Variants in RNF40 observed in about 807,000 individuals in gnomAD.
RNF40 encodes the protein ring finger protein 40.
RNF40 carries 39 observed loss-of-function variants against 123.3 expected under a neutral mutation model. The ratio of observed to expected loss-of-function variants is 0.32; its 90% confidence interval spans 0.24 to 0.41. RNF40 has a LOEUF of 0.41. RNF40 is among the 10% of genes least tolerant of loss of function. The pLI, the probability that RNF40 is intolerant of heterozygous loss-of-function variation, is 1.00. For synonymous variants in RNF40, 538 were observed against 526.0 expected, an observed-to-expected ratio of 1.02 and a Z score of -0.31; for missense variants, 1,003 against 1,319.9, an observed-to-expected ratio of 0.76 and a Z score of 3.72.
At chr16:30,770,734 C>T (rs563957458) in intron 17 of RNF40, among the ~76,000 whole-genome samples, 89 of 152,032 alleles carry the variant, frequency 5.9e-4, no homozygotes, top group African/African-American at 2.0e-3. Flanking sequence ...TTTTTTTAGA[C>T]GGAGTCTAGC....
rs761305203 is a variant in RNF40 at position 30,762,693 on chromosome 16, C to T, written c.132+16C>T. The T allele has an allele frequency of 2.5e-6, 4 of 1,610,674 alleles. No homozygotes were observed. The South Asian group carries it at 3.3e-5, about 13-fold the overall frequency. ...CTCTTCCACGGTTCGTGGGCTCTTG[C>T]CTTAACCCTCAGAACTTCCCAGAGC... On this transcript the variant is annotated intron_variant, in intron 2 of 19. Transcript: ENST00000324685.
Position 30,768,027 on chromosome 16 carries a change from C to T in RNF40, c.1551+12C>T, listed in dbSNP as rs2054071366. 3 of 1,614,088 alleles carry T rather than the reference C, an allele frequency of 1.9e-6. No individual in the cohort carries two copies. Among genetic ancestry groups the T allele is most frequent in the African/African-American group, 1.3e-5 (1 of 74,928 alleles). ...CTGAGATTGGCAAGGTGAGAAGGGGCCTGCCTGGGAAAAGGTTTGGCTAGA... is the reference window on the plus strand; with the variant it reads ...CTGAGATTGGCAAGGTGAGAAGGGGTCTGCCTGGGAAAAGGTTTGGCTAGA... On this transcript the variant is annotated intron_variant, in intron 12 of 19. Transcript: ENST00000324685. The surrounding 1 kb of genome is among the most constrained non-coding windows in gnomAD (Gnocchi z 4.1).
chr16:30,775,381 C>A lies in RNF40; in HGVS notation c.*1267C>A, dbSNP rs1313070562. The A allele has an allele frequency of 4.4e-6, 1 of 227,680 alleles. No individual in the cohort carries two copies. The highest frequency in any genetic ancestry group is 8.9e-6 in the Non-Finnish European group (1 of 112,906). 14.1% of individuals were successfully genotyped at this position (227,680 alleles called of 1,614,324 possible). The stretch of plus-strand genomic sequence containing the variant: ...CCGCCTGTCCTGCTCCCACCGACCC[C>A]GGTCTGACCACGTCCTTGGCTGTCA... On this transcript the variant is annotated 3_prime_UTR_variant, in exon 20 of 20. Transcript: ENST00000324685.
chr16:30,762,591 G>A lies in RNF40; in HGVS notation c.46G>A (p.Gly16Arg). Reference protein sequence around the residue: ...NKRAAGDGGSGPPEKKLSREE... With the variant: ...NKRAAGDGGSRPPEKKLSREE... Reference sequence around the variant, plus strand: ...ACGCGCCGCCGGCGACGGGGGCTCAGGGCCCCCGGAAAAGAAGCTGAGTCG... The same window carrying A: ...ACGCGCCGCCGGCGACGGGGGCTCAAGGCCCCCGGAAAAGAAGCTGAGTCG... The change falls in exon 2 of 20, where the codon GGG becomes AGG. Residue 16 changes from glycine (G) to arginine (R), a missense_variant. Physicochemically the swap from Gly to Arg is moderately radical, Grantham distance 125. Transcript: ENST00000324685. The A allele has an allele frequency of 6.2e-7, 1 of 1,606,862 alleles. No individual in the cohort carries two copies. The highest frequency in any genetic ancestry group is 8.5e-7 in the Non-Finnish European group (1 of 1,178,742).
In RNF40 at chr16:30,771,931, G is replaced by A; in HGVS notation, c.2685G>A (p.Arg895=). Residue 895 remains arginine, a synonymous_variant, in exon 18 of 20, where the codon CGG becomes CGA. Coordinates refer to ENST00000324685, the MANE Select transcript of RNF40 (RefSeq NM_014771.4). The part of the protein sequence containing the change: ...REIQPCLAES[R]AAREKESFNL... ...TCCAGCCCTGCCTGGCAGAGAGCCGGGCTGCTCGTGAGAAAGAGAGCTTCA... is the reference window on the plus strand; with the variant it reads ...TCCAGCCCTGCCTGGCAGAGAGCCGAGCTGCTCGTGAGAAAGAGAGCTTCA... The A allele has an allele frequency of 3.7e-6, 6 of 1,604,330 alleles. No homozygotes were observed. Among genetic ancestry groups the A allele is most frequent in the Non-Finnish European group, 5.1e-6 (6 of 1,173,706 alleles).
chr16:30,762,391 T>TC, intron 1 of RNF40, 31 bp downstream of exon 1: 3 of 748,982 alleles, frequency 4.0e-6, no homozygotes, highest in Non-Finnish European at 5.9e-6. Flanking sequence ...GGGGACGGGA[T>TC]CCAGCAGGTG....
rs748047005 is a variant in RNF40 at position 30,764,170 on chromosome 16, T to G, written c.443-9T>G. On this transcript the variant is annotated splice_polypyrimidine_tract_variant and intron_variant, in intron 4 of 19. Transcript: ENST00000324685. ...CTTATCCTCATGAGGGTCTGTCCAT[T>G]CCTTCCAGACCCCTTGCTGATGCAG... The G allele has an allele frequency of 5.6e-6, 9 of 1,602,704 alleles. No homozygotes were observed. The South Asian group carries it at 1.0e-4, about 18-fold the overall frequency.
At position 30,765,508 on chromosome 16, in the gene RNF40, C is replaced by T. The variant is rs750097814; in HGVS notation, c.993+9C>T. The T allele has an allele frequency of 1.1e-5, 18 of 1,613,022 alleles. No individual in the cohort carries two copies. Among genetic ancestry groups the T allele is most frequent in the Non-Finnish European group, 1.5e-5 (18 of 1,179,284 alleles). ...CACTCAGCATGCAGAAGGTGAGCGG[C>T]GTTTTCCTCCCACCCCTTCTCACAA... On this transcript the variant is annotated intron_variant, in intron 8 of 19. Transcript: ENST00000324685.
At chr16:30,771,687 G>A (rs2054150765) in intron 17 of RNF40, 146 bp from the exon 18 acceptor site, 3 of 814,276 alleles carry the variant, frequency 3.7e-6, no homozygotes, top group African/African-American at 3.4e-5. Flanking sequence ...GAGAACAGGA[G>A]GGGAGGGCTT....
chr16:30,768,792 C>T lies in RNF40; in HGVS notation c.2098-46C>T, dbSNP rs1254778534. On this transcript the variant is annotated intron_variant, in intron 14 of 19. Coordinates refer to ENST00000324685, the MANE Select transcript of RNF40 (RefSeq NM_014771.4). This position sits in a 1 kb window ranked among gnomAD's most constrained non-coding sequence, Gnocchi z 4.1. ...AGAAAGGCAGAGCAGAGTCCTAGCT[C>T]AGCAGGAAGCAGTGTCAAGAGAGTT... 2 of 1,614,034 alleles carry T rather than the reference C, an allele frequency of 1.2e-6. No individual in the cohort carries two copies. The highest frequency in any genetic ancestry group is 2.2e-5 in the South Asian group (2 of 91,084).
rs1035126704 is a variant in RNF40, at chr16:30,768,383, A to G, written c.1832A>G (p.Lys611Arg). 2.5e-6 allele frequency: 4 copies of G among 1,613,778 alleles called. No homozygotes were observed. Among genetic ancestry groups the G allele is most frequent in the African/African-American group, 2.7e-5 (2 of 75,054 alleles). ...SRGREPEARP[K>R]RELREREGPS... is the part of the protein sequence containing the mutation. ...GGCCGAGAACCTGAGGCCAGGCCCAAGCGGGAGCTTCGGGAACGGGAAGGT... is the reference window on the plus strand; with the variant it reads ...GGCCGAGAACCTGAGGCCAGGCCCAGGCGGGAGCTTCGGGAACGGGAAGGT... The change falls in exon 13 of 20, where the codon AAG becomes AGG. Residue 611 changes from lysine to arginine, a missense_variant. Lys to Arg is a conservative substitution (Grantham distance 26). Coordinates refer to ENST00000324685, the MANE Select transcript of RNF40 (RefSeq NM_014771.4). This position sits in a 1 kb window ranked among gnomAD's most constrained non-coding sequence, Gnocchi z 4.1.
intron 19 of RNF40, 64 bp from the exon 20 acceptor site, chr16:30,773,874 C>T: frequency 6.5e-7 from 1 of 1,532,742 alleles, no homozygotes; most frequent in Non-Finnish European, 8.9e-7. Context: ...ACTCCTCCTG[C>T]TGTCAGCTTG....
chr16:30,765,542 C>T (rs2054012488), intron 8 of RNF40, 43 bp downstream of exon 8: 6 of 1,554,768 alleles, frequency 3.9e-6, no homozygotes, highest in Middle Eastern at 1.7e-4. Context: ...AACCTCTTCT[C>T]TGTTGCACTC....
At chr16:30,765,564 C>G in intron 8 of RNF40, 65 bp downstream of exon 8, 1 of 1,456,960 alleles carries the variant, frequency 6.9e-7, no homozygotes. Flanking sequence ...TGAAATTCCC[C>G]TCAGGACAAA....
intron 8 of RNF40, among the ~76,000 whole-genome samples, chr16:30,765,721 A>C (rs1167970392): frequency 6.6e-6 from 1 of 152,222 alleles, no homozygotes; most frequent in Non-Finnish European, 1.5e-5. Flanking sequence ...CAAAACTTTC[A>C]TGGACCAGAC....
At position 30,763,101 on chromosome 16, in the gene RNF40, T is replaced by C. The variant is rs1596738861; in HGVS notation, c.133-17T>C. 2.5e-6 allele frequency: 4 copies of C among 1,613,220 alleles called. No individual in the cohort carries two copies. In the East Asian group the frequency reaches 6.7e-5, roughly 27 times the overall value. On this transcript the variant is annotated splice_polypyrimidine_tract_variant and intron_variant, in intron 2 of 19. Coordinates refer to ENST00000324685, the MANE Select transcript of RNF40 (RefSeq NM_014771.4). The stretch of plus-strand genomic sequence containing the variant: ...CCTGCTTGACGCTCTCGTCGGCCCC[T>C]TTGTTTCCTTTGGTAGGAGGAGATG...
chr16:30,762,279 G>A (rs538221529), upstream of RNF40: 96 of 428,614 alleles, frequency 2.2e-4, no homozygotes, highest in African/African-American at 1.0e-3. Flanking sequence ...CGCACCGTTG[G>A]GGGGGGGGCA....
At chr16:30,762,413 G>C in intron 1 of RNF40, 53 bp downstream of exon 1, 1 of 961,190 alleles carries the variant, frequency 1.0e-6, no homozygotes, top group Non-Finnish European at 1.5e-6. Context: ...GTGCAGGGTG[G>C]AGGGTGTTTG....
At chr16:30,762,283 G>T (rs918602626), upstream of RNF40, 2 of 464,156 alleles carry the variant, frequency 4.3e-6, no homozygotes, top group Non-Finnish European at 7.6e-6. Context: ...CCGTTGGGGG[G>T]GGGGCAGTGG....
Sources: allele counts gnomAD v4.1 joint callset (sites outside exome capture counted in the v4.1 genomes callset), GRCh38; gene constraint gnomAD v4.1.1; non-coding constraint Gnocchi (gnomAD v3.1); transcripts MANE v1.5; gene names NCBI Gene and HGNC (gene_info 2026-07-23, HGNC 2026-07-21).